SMYD3: variants seen among roughly 807,000 people sequenced by gnomAD.
SMYD3 encodes histone-lysine N-methyltransferase SMYD3.
A neutral mutation model predicts 57.7 loss-of-function variants in SMYD3; 36 were observed. The observed-to-expected ratio is 0.62, with a 90% CI of 0.48 to 0.82. SMYD3 has a LOEUF of 0.82. Ranked by LOEUF, SMYD3 falls within the 40% of genes least tolerant of loss-of-function variation. The probability of loss-of-function intolerance (pLI) is 0.00; values close to 1 mark genes in which losing one functional copy is unlikely to be tolerated. For synonymous variants in SMYD3, 211 were observed against 195.0 expected, an observed-to-expected ratio of 1.08 and a Z score of -0.68; for missense variants, 515 against 538.8, an observed-to-expected ratio of 0.96 and a Z score of 0.44.
intron 2 of SMYD3, among the ~76,000 whole-genome samples, chr1:246,344,592 A>G (rs1331805065): frequency 6.6e-6 from 1 of 152,236 alleles, no homozygotes; most frequent in Non-Finnish European, 1.5e-5. Context: ...GTAAATAACT[A>G]GGAGCAGAAC....
intron 8 of SMYD3, among the ~76,000 whole-genome samples, chr1:245,901,801 A>T (rs1299528882): frequency 6.6e-6 from 1 of 152,214 alleles, no homozygotes; most frequent in Non-Finnish European, 1.5e-5. Context: ...ATTGGCTCAG[A>T]GCCAGGAAAG....
rs950216694 is a variant in SMYD3 at position 246,501,568 on chromosome 1, G to C, written c.164+5486C>G. ...ATGAGGACCTCTAATCCATTGATTC[G>C]GCCACATTTCACTGGCCATCACCTT... On this transcript the variant is annotated intron_variant, in intron 1 of 11. Coordinates refer to ENST00000490107, the MANE Select transcript of SMYD3 (RefSeq NM_001167740.2). Among the ~76,000 whole-genome samples, 3 of 151,912 alleles carry C rather than the reference G, an allele frequency of 2.0e-5. 1 individual carries two copies. Among genetic ancestry groups the C allele is most frequent in the African/African-American group, 7.3e-5 (3 of 41,348 alleles).
chr1:245,775,739 AT>A (rs1340787384), intron 10 of SMYD3, among the ~76,000 whole-genome samples: 4 of 151,576 alleles, frequency 2.6e-5, no homozygotes, highest in East Asian at 3.9e-4. Flanking sequence ...AATAAAAAAA[AT>A]AAATGGATAA....
At position 246,154,184 on chromosome 1, in the gene SMYD3, A is replaced by C. The variant is rs924986873; in HGVS notation, c.531+173017T>G. Among the ~76,000 whole-genome samples, 6 of 152,334 alleles carry C rather than the reference A, an allele frequency of 3.9e-5. No homozygotes were observed. In the South Asian group the frequency reaches 8.3e-4, roughly 21 times the overall value. ...ATTCACTGAACGAATCAATGGAAAT[A>C]ATAAGGGCCTTAAAGGCTCCGATGG... On this transcript the variant is annotated intron_variant, in intron 5 of 11. Transcript: ENST00000490107.
At chr1:246,380,415 T>G (rs2066367669) in intron 1 of SMYD3, among the ~76,000 whole-genome samples, 1 of 152,218 alleles carries the variant, frequency 6.6e-6, no homozygotes, top group Admixed American at 6.5e-5. Flanking sequence ...TAACATCTAT[T>G]TCCCCCCAGA....
chr1:246,168,061 A>G (rs964325277), intron 5 of SMYD3, among the ~76,000 whole-genome samples: 5 of 152,192 alleles, frequency 3.3e-5, no homozygotes, highest in African/African-American at 1.2e-4. Context: ...ATGAAACCAG[A>G]CTGCTTGGGT....
At chr1:246,449,892 G>C (rs1315964087) in intron 1 of SMYD3, among the ~76,000 whole-genome samples, 1 of 152,128 alleles carries the variant, frequency 6.6e-6, no homozygotes, top group Non-Finnish European at 1.5e-5. Context: ...TGGGAGTATA[G>C]AGCCAAGTCC....
chr1:246,478,244 C>T (rs2068053018), intron 1 of SMYD3, among the ~76,000 whole-genome samples: 1 of 152,374 alleles, frequency 6.6e-6, no homozygotes, highest in East Asian at 1.9e-4. Flanking sequence ...GATTTCACTG[C>T]ATCTTTGGAC....
intron 5 of SMYD3, among the ~76,000 whole-genome samples, chr1:246,105,236 C>CAT (rs34511607): frequency 0.21 from 31,839 of 148,418 alleles, 4,418 homozygotes; most frequent in East Asian, 0.56. Context: ...TGCTAAAATG[C>CAT]ACAGATGGGC....
At chr1:245,854,263 C>T (rs977165979) in intron 10 of SMYD3, among the ~76,000 whole-genome samples, 5 of 152,064 alleles carry the variant, frequency 3.3e-5, no homozygotes, top group African/African-American at 9.7e-5. Flanking sequence ...GGGGGAGGTA[C>T]AATTTGGAAA....
At chr1:246,135,639 C>A (rs2061655051) in intron 5 of SMYD3, among the ~76,000 whole-genome samples, 1 of 151,184 alleles carries the variant, frequency 6.6e-6, no homozygotes, top group South Asian at 2.1e-4. Flanking sequence ...TTGTCTCAGA[C>A]ACACACACAC....
chr1:246,020,237 G>A (rs2059448292), intron 5 of SMYD3, among the ~76,000 whole-genome samples: 1 of 152,172 alleles, frequency 6.6e-6, no homozygotes, highest in Non-Finnish European at 1.5e-5. Flanking sequence ...AATCTATACT[G>A]ATTTCCTTTT....
intron 10 of SMYD3, among the ~76,000 whole-genome samples, chr1:245,820,634 A>G (rs904738340): frequency 2.0e-5 from 3 of 152,178 alleles, no homozygotes; most frequent in Non-Finnish European, 2.9e-5. Flanking sequence ...ATGATTGTAT[A>G]TCTAGAAAAC....
intron 5 of SMYD3, among the ~76,000 whole-genome samples, chr1:246,306,290 T>A (rs2064977378): frequency 6.6e-6 from 1 of 152,046 alleles, no homozygotes; most frequent in African/African-American, 2.4e-5. Flanking sequence ...GAGGTTGCAA[T>A]GGGCAAAGAT....
chr1:246,116,466 G>A (rs1468662119), intron 5 of SMYD3, among the ~76,000 whole-genome samples: 1 of 152,194 alleles, frequency 6.6e-6, no homozygotes, highest in African/African-American at 2.4e-5. Context: ...CTCTCCTGCA[G>A]AGGAAGATAC....
intron 11 of SMYD3, among the ~76,000 whole-genome samples, chr1:245,756,547 G>A (rs971942736): frequency 7.9e-5 from 12 of 151,872 alleles, no homozygotes; most frequent in Admixed American, 2.0e-4. Context: ...GTCTGCTAGC[G>A]ATAAGTTCTT....
intron 1 of SMYD3, among the ~76,000 whole-genome samples, chr1:246,361,003 T>C (rs962686182): frequency 1.3e-5 from 2 of 151,936 alleles, no homozygotes. Flanking sequence ...ATCAGCAGAG[T>C]TAACAGACAA....
intron 1 of SMYD3, among the ~76,000 whole-genome samples, chr1:246,431,467 C>A (rs1272905777): frequency 6.6e-6 from 1 of 152,186 alleles, no homozygotes; most frequent in Non-Finnish European, 1.5e-5. Flanking sequence ...AGGTGGCTCA[C>A]ACCTGTAGTC....
At chr1:245,932,422 C>T (rs2056775225) in intron 5 of SMYD3, among the ~76,000 whole-genome samples, 1 of 152,168 alleles carries the variant, frequency 6.6e-6, no homozygotes, top group Non-Finnish European at 1.5e-5. Context: ...ATTTATCATA[C>T]TGGATCATTA....
Sources: allele counts gnomAD v4.1 joint callset (sites outside exome capture counted in the v4.1 genomes callset), GRCh38; gene constraint gnomAD v4.1.1; transcripts MANE v1.5; gene names NCBI Gene and HGNC (gene_info 2026-07-23, HGNC 2026-07-21).